Variants in GCNT2 observed in about 807,000 individuals in gnomAD.
GCNT2 encodes glucosaminyl (N-acetyl) transferase 2 (I blood group), also known as N-acetyllactosaminide beta-1,6-N-acetylglucosaminyl-transferase.
GCNT2 carries 34 observed loss-of-function variants against 34.2 expected under a neutral mutation model. The ratio of observed to expected loss-of-function variants is 1.00; its 90% CI spans 0.76 to 1.32. The LOEUF (loss-of-function observed/expected upper bound fraction) is 1.32. Among genes scored for constraint, GCNT2 ranks in the 40% most tolerant of loss-of-function variants. GCNT2 has a pLI of 0.00. For synonymous variants in GCNT2, 212 were observed against 188.0 expected, an observed-to-expected ratio of 1.13 and a Z score of -1.04; for missense variants, 584 against 489.4, an observed-to-expected ratio of 1.19 and a Z score of -1.82.
At chr6:10,549,715 C>G (rs1762410054) in intron 3 of GCNT2, among the ~76,000 whole-genome samples, 1 of 151,794 alleles carries the variant, frequency 6.6e-6, no homozygotes, top group Non-Finnish European at 1.5e-5. Flanking sequence ...CTCTGTCTCT[C>G]TTTTAATCCC....
At chr6:10,574,693 G>T in intron 3 of GCNT2, 1 of 366,358 alleles carries the variant, frequency 2.7e-6, no homozygotes, top group Non-Finnish European at 5.2e-6. Context: ...AATGTTTTTT[G>T]TTTGTTTGTT....
intron 3 of GCNT2, among the ~76,000 whole-genome samples, chr6:10,578,206 C>T (rs1036194127): frequency 2.6e-5 from 4 of 151,682 alleles, no homozygotes; most frequent in Admixed American, 6.6e-5. Flanking sequence ...GCCTAGCCAA[C>T]GTAGTGAAAC....
At chr6:10,526,183 C>T (rs537830544) in intron 1 of GCNT2, among the ~76,000 whole-genome samples, 5 of 152,178 alleles carry the variant, frequency 3.3e-5, no homozygotes, top group East Asian at 1.9e-4. Flanking sequence ...TCTGGATAGA[C>T]GCATGAAAGA....
intron 3 of GCNT2, among the ~76,000 whole-genome samples, chr6:10,589,462 T>C (rs1764542152): frequency 6.6e-6 from 1 of 151,888 alleles, no homozygotes; most frequent in African/African-American, 2.4e-5. Flanking sequence ...TATGTGAGGC[T>C]TGTCAGGGTC....
At chr6:10,578,232 AAC>A (rs1763908577) in intron 3 of GCNT2, among the ~76,000 whole-genome samples, 1 of 151,600 alleles carries the variant, frequency 6.6e-6, no homozygotes. Flanking sequence ...GTCTAATAAA[AAC>A]ACAAAAATTA....
At chr6:10,563,278 C>G (rs536058381) in intron 3 of GCNT2, among the ~76,000 whole-genome samples, 2 of 152,258 alleles carry the variant, frequency 1.3e-5, no homozygotes, top group East Asian at 3.9e-4. Flanking sequence ...CTGACCTAAC[C>G]GTACCCTTTT....
At chr6:10,535,927 C>T in intron 3 of GCNT2, among the ~76,000 whole-genome samples, 1 of 152,138 alleles carries the variant, frequency 6.6e-6, no homozygotes, top group Non-Finnish European at 1.5e-5. Context: ...TATTCCATGG[C>T]AGGCATCTTC....
chr6:10,611,842 T>A (rs1765570248), intron 3 of GCNT2, among the ~76,000 whole-genome samples: 1 of 152,186 alleles, frequency 6.6e-6, no homozygotes, highest in Admixed American at 6.5e-5. Context: ...GTAAAAAATA[T>A]AAAAGCAATA....
chr6:10,556,563 T>C (rs1427323063), intron 3 of GCNT2: 1 of 1,614,136 alleles, frequency 6.2e-7, no homozygotes, highest in South Asian at 1.1e-5. Context: ...CTGACTCAAG[T>C]TTGCACATCT....
Position 10,529,447 on chromosome 6 carries a change from C to T in GCNT2, c.536C>T (p.Ala179Val). Residue 179 changes from alanine to valine, a missense_variant, in exon 3 of 5, where the codon GCC becomes GTC. Physicochemically the swap from Ala to Val is moderately conservative, Grantham distance 64. Transcript: ENST00000495262. The part of the protein sequence containing the change: ...ADLNCLEDLV[A>V]SEVPWKYVIN... ...CTGAACTGCCTGGAAGACCTTGTGG[C>T]CTCTGAAGTTCCCTGGAAGTATGTC... The T allele has an allele frequency of 2.5e-6, 4 of 1,614,120 alleles. No homozygotes were observed. Among genetic ancestry groups the T allele is most frequent in the Non-Finnish European group, 3.4e-6 (4 of 1,180,014 alleles).
chr6:10,617,778 A>G (rs1453821141), intron 3 of GCNT2, among the ~76,000 whole-genome samples: 28 of 84,618 alleles, frequency 3.3e-4, no homozygotes, highest in African/African-American at 2.9e-3. Flanking sequence ...TTTTTGACAC[A>G]GGGTCTCACT....
chr6:10,600,158 C>T (rs1581467663), intron 3 of GCNT2, among the ~76,000 whole-genome samples: 2 of 152,226 alleles, frequency 1.3e-5, no homozygotes, highest in Admixed American at 6.5e-5. Context: ...TCTGAAATGT[C>T]ATAGATATCT....
intron 4 of GCNT2, among the ~76,000 whole-genome samples, chr6:10,624,208 G>T (rs1211629840): frequency 2.6e-5 from 4 of 152,074 alleles, no homozygotes; most frequent in Non-Finnish European, 5.9e-5. Context: ...AGCTCCCAAG[G>T]TGTATTAGTC....
chr6:10,526,733 G>A (rs1218924261), intron 1 of GCNT2, among the ~76,000 whole-genome samples: 2 of 152,130 alleles, frequency 1.3e-5, no homozygotes, highest in South Asian at 2.1e-4. Flanking sequence ...ATAAGAATGT[G>A]TATTTCCTAT....
chr6:10,523,865 C>CGG (rs1199729359), intron 1 of GCNT2, among the ~76,000 whole-genome samples: 1 of 146,322 alleles, frequency 6.8e-6, no homozygotes, highest in East Asian at 2.2e-4. Context: ...CCCAGCTACT[C>CGG]GGGAGGCTGA....
chr6:10,540,085 AAGG>A (rs1204556279), intron 3 of GCNT2, among the ~76,000 whole-genome samples: 1 of 149,218 alleles, frequency 6.7e-6, no homozygotes, highest in Non-Finnish European at 1.5e-5. Context: ...CTCAAAAAAA[AAGG>A]AAGGAAAGGA....
intron 3 of GCNT2, among the ~76,000 whole-genome samples, chr6:10,590,618 A>T (rs1764596222): frequency 6.7e-6 from 1 of 149,774 alleles, no homozygotes; most frequent in African/African-American, 2.5e-5. Context: ...CAGTGGCGCG[A>T]TCTCAGCTCA....
In GCNT2 at chr6:10,583,468, C is replaced by T. The variant is rs114094339; in HGVS notation, c.926-37883C>T. ...TGCCACAGTTGATCCTTTAGTTGAC[C>T]AGTTAATTTCTCCCTTGGAAGTGTC... is the stretch of plus-strand genomic sequence containing the variant. On this transcript the variant is annotated intron_variant, in intron 3 of 4. Coordinates refer to ENST00000495262, the MANE Select transcript of GCNT2 (RefSeq NM_145649.5). Among the ~76,000 whole-genome samples the T allele has an allele frequency of 9.8e-3, 1,497 of 152,188 alleles. 22 individuals carry two copies. The highest frequency in any genetic ancestry group is 0.027 in the Middle Eastern group (8 of 294).
chr6:10,580,968 C>G (rs1381028389), intron 3 of GCNT2, among the ~76,000 whole-genome samples: 1 of 152,166 alleles, frequency 6.6e-6, no homozygotes, highest in Non-Finnish European at 1.5e-5. Flanking sequence ...GGGACTGATA[C>G]AGAATGACCA....
Sources: allele counts gnomAD v4.1 joint callset (sites outside exome capture counted in the v4.1 genomes callset), GRCh38; gene constraint gnomAD v4.1.1; transcripts MANE v1.5; gene names NCBI Gene and HGNC (gene_info 2026-07-23, HGNC 2026-07-21).